TERT: variants seen among roughly 807,000 people sequenced by gnomAD.
The protein encoded by TERT is telomerase catalytic subunit.
In TERT, 42 loss-of-function variants were observed where a neutral mutation model predicts 104.0. The ratio of observed to expected loss-of-function variants is 0.40; its 90% CI spans 0.32 to 0.52. The LOEUF is 0.52. Ranked by LOEUF, TERT falls within the 20% of genes least tolerant of loss-of-function variation. TERT has a pLI of 0.43. For synonymous variants in TERT, 781 were observed against 725.6 expected, an observed-to-expected ratio of 1.08 and a Z score of -1.23; for missense variants, 1,101 against 1,610.3, an observed-to-expected ratio of 0.68 and a Z score of 5.41.
In TERT at chr5:1,253,345, T is replaced by G; in HGVS notation, c.*383A>C. 5 of 409,720 alleles carry G rather than the reference T, an allele frequency of 1.2e-5. No individual in the cohort carries two copies. The highest frequency in any genetic ancestry group is 4.2e-5 in the East Asian group (1 of 23,776). The allele number at this position is 409,720 out of a possible 1,614,324, so 25.4% of individuals were successfully genotyped here. A position where few individuals can be genotyped will look rare whatever the true frequency, so the allele number is the denominator to read the frequency against. On this transcript the variant is annotated 3_prime_UTR_variant, in exon 16 of 16. Transcript: ENST00000310581. ...GTCCTTCTCAGGGTCTCCACCTGGA[T>G]GGTGGGGGTGGAAGGCAAAGGAGGG...
At chr5:1,254,159 G>T (rs562678992) in intron 15 of TERT, among the ~76,000 whole-genome samples, 2 of 152,200 alleles carry the variant, frequency 1.3e-5, no homozygotes, top group Admixed American at 1.3e-4. Context: ...GGAAGCAGGG[G>T]TTCAAGAAGT....
intron 6 of TERT, among the ~76,000 whole-genome samples, chr5:1,276,609 G>C (rs1477231067): frequency 7.1e-6 from 1 of 140,798 alleles, no homozygotes; most frequent in African/African-American, 2.8e-5. Flanking sequence ...CCTACCCCAC[G>C]GATGAAAACC....
In TERT at chr5:1,257,675, G is replaced by A. The variant is rs1747848686; in HGVS notation, c.3032+923C>T. On this transcript the variant is annotated intron_variant, in intron 13 of 15. Coordinates refer to ENST00000310581, the MANE Select transcript of TERT (RefSeq NM_198253.3). This position sits in a 1 kb window ranked among gnomAD's most constrained non-coding sequence, Gnocchi z 5.6. Reference sequence around the variant, plus strand: ...AGAGCATGAAGGCGCAAGCACTCGGGTTAAAAACCATTTTCATGGTACGAC... The same window carrying A: ...AGAGCATGAAGGCGCAAGCACTCGGATTAAAAACCATTTTCATGGTACGAC... 6.6e-6 allele frequency among the ~76,000 whole-genome samples: 1 copy of A among 152,226 alleles called. No homozygotes were observed.
rs1389255406 is a variant in TERT at position 1,268,327 on chromosome 5, C to T, written c.2582+193G>A. Among the ~76,000 whole-genome samples the T allele has an allele frequency of 6.6e-6, 1 of 152,242 alleles. No homozygotes were observed. Among genetic ancestry groups the T allele is most frequent in the Non-Finnish European group, 1.5e-5 (1 of 68,038 alleles). On this transcript the variant is annotated intron_variant, in intron 9 of 15. Transcript: ENST00000310581. The surrounding 1 kb of genome is among the most constrained non-coding windows in gnomAD (Gnocchi z 5.5). Reference sequence around the variant, plus strand: ...TCTGGACATGGCCGCTGGACAGAGCCTGCGTGGAGCCCGCAGTCCTCAGGC... The same window carrying T: ...TCTGGACATGGCCGCTGGACAGAGCTTGCGTGGAGCCCGCAGTCCTCAGGC...
rs1006130536 is a variant in TERT at position 1,268,272 on chromosome 5, C to T, written c.2582+248G>A. Reference sequence around the variant, plus strand: ...TTCACATGCTCATCATGCAGGGCAGCGGCCCTCCCGCCTGCTGAGCCCTGA... The same window carrying T: ...TTCACATGCTCATCATGCAGGGCAGTGGCCCTCCCGCCTGCTGAGCCCTGA... On this transcript the variant is annotated intron_variant, in intron 9 of 15. Transcript: ENST00000310581. This position sits in a 1 kb window ranked among gnomAD's most constrained non-coding sequence, Gnocchi z 5.5. Among the ~76,000 whole-genome samples, 7 of 152,242 alleles carry T rather than the reference C, an allele frequency of 4.6e-5. No homozygotes were observed. Among genetic ancestry groups the T allele is most frequent in the African/African-American group, 1.4e-4 (6 of 41,468 alleles).
At chr5:1,254,232 C>T (rs544998757) in intron 15 of TERT, 136 bp downstream of exon 15, 114 of 1,186,302 alleles carry the variant, frequency 9.6e-5, no homozygotes, top group African/African-American at 8.7e-4. Context: ...GGGCTGCCAG[C>T]GTGGCTCCAG....
rs1274824521 is a variant in TERT at position 1,288,426 on chromosome 5, G to C, written c.1573+4887C>G. ...CTAAGACCCAAGAGGGAAGTCTGAC[G>C]AAGGCTGGCGGAGACACCGGCCCTC... On this transcript the variant is annotated intron_variant, in intron 2 of 15. Transcript: ENST00000310581. The surrounding 1 kb of genome is among the most constrained non-coding windows in gnomAD (Gnocchi z 5.3). Among the ~76,000 whole-genome samples, 1 of 152,154 alleles carries C rather than the reference G, an allele frequency of 6.6e-6. No homozygotes were observed. The highest frequency in any genetic ancestry group is 1.5e-5 in the Non-Finnish European group (1 of 68,026).
rs1747701499 is a variant in TERT, at chr5:1,255,956, T to C, written c.3033-545A>G. 6.6e-6 allele frequency among the ~76,000 whole-genome samples: 1 copy of C among 151,904 alleles called. No homozygotes were observed. Among genetic ancestry groups the C allele is most frequent in the Non-Finnish European group, 1.5e-5 (1 of 68,006 alleles). On this transcript the variant is annotated intron_variant, in intron 13 of 15. Transcript: ENST00000310581. This position sits in a 1 kb window ranked among gnomAD's most constrained non-coding sequence, Gnocchi z 6.9. ...GACACCGAGACACCGACTTGGCTTC[T>C]GTGTGTAGGTTAAGTTCCTACTAAA...
At chr5:1,278,005 C>T (rs961343240) in intron 6 of TERT, among the ~76,000 whole-genome samples, 10 of 152,290 alleles carry the variant, frequency 6.6e-5, no homozygotes, top group African/African-American at 2.2e-4. Context: ...TCCCGGGGAG[C>T]GAGGCCTGAA....
At chr5:1,289,254 C>T (rs145309412) in intron 2 of TERT, among the ~76,000 whole-genome samples, 2,137 of 133,158 alleles carry the variant, frequency 0.016, 18 homozygotes, top group Middle Eastern at 0.09. Flanking sequence ...CCGGGGATGG[C>T]GCCTCACTCA....
chr5:1,254,481 G>A lies in TERT; in HGVS notation c.3182C>T (p.Ala1061Val). Residue 1061 changes from alanine (A) to valine (V), a missense_variant, in exon 15 of 16, where the codon GCC becomes GTC. By Grantham distance (64) the Ala-to-Val change is moderately conservative. Around this residue, in one of 5 missense-constraint regions of TERT, gnomAD observed 463 missense variants for 797.5 expected, o/e 0.58. Coordinates refer to ENST00000310581, the MANE Select transcript of TERT (RefSeq NM_198253.3). ...GGCCTCGGAGGGCAGAGGGCCGGCG[G>A]CGCCCTTGGCCCCCAGCGACATCCC... ...NAGMSLGAKG[A>V]AGPLPSEAVQ... 1 of 1,612,606 alleles carries A rather than the reference G, an allele frequency of 6.2e-7. No individual in the cohort carries two copies. The highest frequency in any genetic ancestry group is 8.5e-7 in the Non-Finnish European group (1 of 1,179,840).
chr5:1,291,058 A>C (rs370906233), intron 2 of TERT, among the ~76,000 whole-genome samples: 2 of 42,262 alleles, frequency 4.7e-5, no homozygotes, highest in African/African-American at 1.2e-4. Flanking sequence ...ACCCGGGGAC[A>C]GTGCCTCACT....
intron 6 of TERT, among the ~76,000 whole-genome samples, chr5:1,273,917 G>A (rs1224955332): frequency 1.3e-5 from 2 of 152,222 alleles, no homozygotes; most frequent in Non-Finnish European, 2.9e-5. Context: ...CAGGGATGCA[G>A]GTGCAGCCAC....
rs546686553 is a variant in TERT at position 1,284,773 on chromosome 5, C to T, written c.1574-2149G>A. On this transcript the variant is annotated intron_variant, in intron 2 of 15. Coordinates refer to ENST00000310581, the MANE Select transcript of TERT (RefSeq NM_198253.3). ...GACCTCACACCGGACCTGCAGCATCCGGACACCCCACATCCAACTCACAGC... is the reference window on the plus strand; with the variant it reads ...GACCTCACACCGGACCTGCAGCATCTGGACACCCCACATCCAACTCACAGC... 1.5e-3 allele frequency among the ~76,000 whole-genome samples: 218 copies of T among 148,816 alleles called. 1 individual carries two copies. Among genetic ancestry groups the T allele is most frequent in the African/African-American group, 4.9e-3 (195 of 40,156 alleles).
At chr5:1,284,996 C>A (rs1267798834) in intron 2 of TERT, among the ~76,000 whole-genome samples, 1 of 143,880 alleles carries the variant, frequency 7.0e-6, no homozygotes, top group African/African-American at 2.6e-5. Flanking sequence ...CACAGCAGGG[C>A]CTGGCGACCT....
chr5:1,291,596 CGG>C (rs1750973336), intron 2 of TERT, among the ~76,000 whole-genome samples: 1 of 125,792 alleles, frequency 7.9e-6, no homozygotes, highest in African/African-American at 2.9e-5. Flanking sequence ...CAGGGACACC[CGG>C]GGACAGTGCC....
Position 1,278,662 on chromosome 5 carries a change from G to A in TERT, c.2265C>T (p.Val755=). 1 of 1,614,182 alleles carries A rather than the reference G, an allele frequency of 6.2e-7. No individual in the cohort carries two copies. The highest frequency in any genetic ancestry group is 1.1e-5 in the South Asian group (1 of 91,092). ...TTACGTGGCTCTTGAAGGCCTTGCG[G>A]ACGTGCCCATGGGCGGCCTTCTGGA... The part of the protein sequence containing the change: ...AVVQKAAHGH[V]RKAFKSHVST... The change falls in exon 6 of 16, where the codon GTC becomes GTT. Residue 755 remains valine (V), a synonymous_variant. Coordinates refer to ENST00000310581, the MANE Select transcript of TERT (RefSeq NM_198253.3).
At chr5:1,258,480 CG>C in intron 13 of TERT, 117 bp downstream of exon 13, 2 of 903,830 alleles carry the variant, frequency 2.2e-6, no homozygotes, top group Non-Finnish European at 3.5e-6. Context: ...CCACTGAAAA[CG>C]TAAGACATTC....
rs199585924 is a variant in TERT, at chr5:1,280,329, C to T, written c.1779G>A (p.Leu593=). The change falls in exon 4 of 16, where the codon TTG becomes TTA. Residue 593 remains leucine (L), a synonymous_variant. Transcript: ENST00000310581. ...KLQSIGIRQH[L]KRVQLRELSE... ...ACAGCTCCCGCAGCTGCACCCTCTT[C>T]AAGTGCTGTCTGCAATAGAGAGCCC... 1 of 1,613,170 alleles carries T rather than the reference C, an allele frequency of 6.2e-7. No individual in the cohort carries two copies. Among genetic ancestry groups the T allele is most frequent in the Non-Finnish European group, 8.5e-7 (1 of 1,180,010 alleles).
Sources: allele counts gnomAD v4.1 joint callset (sites outside exome capture counted in the v4.1 genomes callset), GRCh38; gene constraint gnomAD v4.1.1; regional missense constraint gnomAD v4.1.1; non-coding constraint Gnocchi (gnomAD v3.1); transcripts MANE v1.5; gene names NCBI Gene and HGNC (gene_info 2026-07-23, HGNC 2026-07-21).